CD96: variants seen among roughly 807,000 people sequenced by gnomAD.
The protein encoded by CD96 is CD96 molecule.
CD96 carries 70 observed loss-of-function variants against 71.3 expected under a neutral mutation model. The observed-to-expected ratio is 0.98, with a 90% confidence interval of 0.81 to 1.20. CD96 has a LOEUF of 1.20. Ranked by LOEUF, CD96 falls within the 50% of genes most tolerant of loss-of-function variation. CD96 has a pLI of 0.00. For missense variants in CD96, 742 were observed against 677.5 expected (o/e 1.10, Z -1.06); for synonymous variants, 248 against 233.0 (o/e 1.06, Z -0.59).
At chr3:111,581,102 A>G (rs1936443078) in intron 4 of CD96, among the ~76,000 whole-genome samples, 1 of 152,110 alleles carries the variant, frequency 6.6e-6, no homozygotes, top group Admixed American at 6.5e-5. Context: ...TCTCATTTTT[A>G]TCACCCTATT....
At chr3:111,576,404 A>C (rs985953062) in intron 3 of CD96, among the ~76,000 whole-genome samples, 1 of 152,326 alleles carries the variant, frequency 6.6e-6, no homozygotes, top group Admixed American at 6.5e-5. Flanking sequence ...GGCCCCTTTC[A>C]ATCAACAAAT....
At chr3:111,583,880 T>A (rs1936583131) in intron 4 of CD96, among the ~76,000 whole-genome samples, 1 of 152,242 alleles carries the variant, frequency 6.6e-6, no homozygotes, top group African/African-American at 2.4e-5. Context: ...TGATGTGGCC[T>A]GGGGACATTT....
At position 111,606,792 on chromosome 3, in the gene CD96, A is replaced by G. The variant is rs1372470071; in HGVS notation, c.1180A>G (p.Arg394Gly). The change falls in exon 8 of 14, where the codon AGA (arginine) becomes GGA (glycine). Residue 394 changes from arginine (R) to glycine (G), a missense_variant and splice_region_variant. Physicochemically the swap from Arg to Gly is moderately radical, Grantham distance 125 (BLOSUM62 -2). Coordinates refer to ENST00000352690, the MANE Select transcript of CD96 (RefSeq NM_005816.5). ...PSPASSVSPARYPATSSVTLV... is the reference protein window; with the variant it reads ...PSPASSVSPAGYPATSSVTLV... ...TCCAGCCAGCAGTGTATCTCCTGCA[A>G]GTAAGAATGTTTTCACACTGAGCTA... is the stretch of plus-strand genomic sequence containing the variant. 6.5e-7 allele frequency: 1 copy of G among 1,534,332 alleles called. No homozygotes were observed. The highest frequency in any genetic ancestry group is 1.1e-5 in the South Asian group (1 of 89,474).
chr3:111,579,458 A>G (rs1936371481), intron 4 of CD96: 1 of 613,442 alleles, frequency 1.6e-6, no homozygotes, highest in African/African-American at 1.8e-5. Flanking sequence ...AGAAGCCAAT[A>G]ATTTTCTGTA....
chr3:111,573,744 T>C (rs1936095316), intron 3 of CD96, among the ~76,000 whole-genome samples: 1 of 152,252 alleles, frequency 6.6e-6, no homozygotes, highest in African/African-American at 2.4e-5. Flanking sequence ...TCTATAAATA[T>C]ATCTTCAACA....
At chr3:111,560,276 G>A (rs1019600995) in intron 2 of CD96, among the ~76,000 whole-genome samples, 6 of 151,890 alleles carry the variant, frequency 4.0e-5, no homozygotes, top group East Asian at 1.9e-4. Flanking sequence ...GATTTTGCTC[G>A]TTAGTTGACA....
intron 4 of CD96, chr3:111,579,469 T>C (rs1936372170): frequency 3.4e-6 from 2 of 585,838 alleles, no homozygotes; most frequent in East Asian, 3.1e-5. Flanking sequence ...ATTTTCTGTA[T>C]TGGTCAGTTT....
rs140585699 is a variant in CD96 at position 111,604,843 on chromosome 3, C to A, written c.1088-1857C>A. Among the ~76,000 whole-genome samples, 12 of 152,104 alleles carry A rather than the reference C, an allele frequency of 7.9e-5. No homozygotes were observed. The East Asian group carries it at 2.3e-3, about 29-fold the overall frequency. On this transcript the variant is annotated intron_variant, in intron 7 of 13. Coordinates refer to ENST00000352690, the MANE Select transcript of CD96 (RefSeq NM_005816.5). ...CTATCACAATTACTCAACTCTGTCA[C>A]CTTAGCACAAAAGCAACCATGGACA... is the stretch of plus-strand genomic sequence containing the variant.
At position 111,647,456 on chromosome 3, in the gene CD96, T is replaced by C. The variant is rs560503599; in HGVS notation, c.1478-87T>C. 1.3e-4 allele frequency: 162 copies of C among 1,201,542 alleles called. 1 individual carries two copies. In the South Asian group the frequency reaches 1.4e-3, roughly 11 times the overall value. 74.4% of individuals were successfully genotyped at this position (1,201,542 alleles called of 1,614,324 possible). On this transcript the variant is annotated intron_variant, in intron 12 of 13. Transcript: ENST00000352690. Reference sequence around the variant, plus strand: ...ATCACAGCCAATGTTGAAGAAAATATGTTTCACGTAGGAAAAATGGTTTAA... The same window carrying C: ...ATCACAGCCAATGTTGAAGAAAATACGTTTCACGTAGGAAAAATGGTTTAA...
At chr3:111,664,709 T>C (rs1940440490) in intron 14 of CD96, among the ~76,000 whole-genome samples, 1 of 152,194 alleles carries the variant, frequency 6.6e-6, no homozygotes, top group Admixed American at 6.5e-5. Context: ...GAGAGGACTA[T>C]ATTTTTCAAA....
chr3:111,601,221 CAT>C (rs1363852085), intron 7 of CD96, among the ~76,000 whole-genome samples: 5 of 152,124 alleles, frequency 3.3e-5, no homozygotes, highest in Non-Finnish European at 7.4e-5. Flanking sequence ...TAATCCATCA[CAT>C]ATTGAAAATT....
chr3:111,664,234 C>T (rs190041091), intron 14 of CD96, among the ~76,000 whole-genome samples: 4 of 152,244 alleles, frequency 2.6e-5, no homozygotes, highest in Admixed American at 1.3e-4. Context: ...GTGCCCTTCA[C>T]AGTATCAAAA....
intron 14 of CD96, among the ~76,000 whole-genome samples, chr3:111,665,177 GTGTGTGTGTGTGTGTGTA>G (rs1940452525): frequency 1.3e-5 from 2 of 149,714 alleles, no homozygotes; most frequent in African/African-American, 2.5e-5. Context: ...GAATAAGTGT[GTGTGTGTGTGTGTGTGTA>G]TGTGTGTGTG....
intron 12 of CD96, among the ~76,000 whole-genome samples, chr3:111,640,078 C>A (rs775356316): frequency 2.0e-5 from 3 of 152,184 alleles, no homozygotes; most frequent in Non-Finnish European, 4.4e-5. Flanking sequence ...GGCTCTTCAA[C>A]ACCCCCCAAA....
chr3:111,616,779 A>G (rs1294157126), intron 8 of CD96, among the ~76,000 whole-genome samples: 2 of 152,096 alleles, frequency 1.3e-5, no homozygotes, highest in African/African-American at 4.8e-5. Context: ...TTGAGCCCGT[A>G]GAGGCTGAGA....
At chr3:111,655,692 G>A (rs111993505), downstream of CD96, among the ~76,000 whole-genome samples, 19 of 151,900 alleles carry the variant, frequency 1.3e-4, no homozygotes, top group African/African-American at 4.6e-4. Flanking sequence ...ATAGAACTAA[G>A]GAGAAAAAGG....
intron 8 of CD96, among the ~76,000 whole-genome samples, chr3:111,623,196 T>A (rs1039074877): frequency 1.6e-4 from 24 of 152,232 alleles, no homozygotes; most frequent in Non-Finnish European, 3.4e-4. Flanking sequence ...CTTTATATAA[T>A]AGTTCTAAAA....
intron 4 of CD96, among the ~76,000 whole-genome samples, chr3:111,583,091 T>A (rs568705535): frequency 2.0e-5 from 3 of 152,322 alleles, no homozygotes; most frequent in East Asian, 1.9e-4. Context: ...CTAGATATAA[T>A]GGGGGTATAA....
At chr3:111,598,347 C>A in intron 6 of CD96, 137 bp downstream of exon 6, 1 of 670,534 alleles carries the variant, frequency 1.5e-6, no homozygotes, top group Non-Finnish European at 2.7e-6. Flanking sequence ...TTCTGCCTAC[C>A]AAATGTCATT....
Sources: allele counts gnomAD v4.1 joint callset (sites outside exome capture counted in the v4.1 genomes callset), GRCh38; gene constraint gnomAD v4.1.1; transcripts MANE v1.5; gene names NCBI Gene and HGNC (gene_info 2026-07-23, HGNC 2026-07-21).